The following PPP1R37 variants were observed in gnomAD, a reference collection of about 807,000 sequenced individuals.
The protein encoded by PPP1R37 is leucine rich repeat containing 68.
In PPP1R37, 21 loss-of-function variants were observed where a neutral mutation model predicts 61.0. The observed-to-expected ratio is 0.34, with a 90% CI of 0.24 to 0.50. The LOEUF (loss-of-function observed/expected upper bound fraction) is 0.50. Among genes scored for constraint, PPP1R37 ranks in the 20% least tolerant of loss-of-function variants. PPP1R37 has a pLI of 0.98. For missense variants in PPP1R37, 910 were observed against 952.7 expected, an observed-to-expected ratio of 0.96 and a Z score of 0.59; for synonymous variants, 443 against 433.5, an observed-to-expected ratio of 1.02 and a Z score of -0.27.
chr19:45,108,934 C>T (rs924116816), intron 1 of PPP1R37: 2 of 152,316 alleles, frequency 1.3e-5, no homozygotes, highest in African/African-American at 2.4e-5. Flanking sequence ...ACTACCGTGC[C>T]TGGTCTTTTT....
chr19:45,131,321 C>T (rs1968474307), intron 1 of PPP1R37, among the ~76,000 whole-genome samples: 2 of 152,202 alleles, frequency 1.3e-5, no homozygotes, highest in African/African-American at 2.4e-5. Flanking sequence ...CTCCCTGGAG[C>T]TCATGCCTTT....
chr19:45,104,494 ATTCATTCC>A (rs1413843991), intron 1 of PPP1R37, among the ~76,000 whole-genome samples: 3 of 152,012 alleles, frequency 2.0e-5, no homozygotes, highest in Non-Finnish European at 4.4e-5. Flanking sequence ...TTTTTCCTGC[ATTCATTCC>A]TTCATTCCTT....
At chr19:45,098,265 C>T in intron 1 of PPP1R37, among the ~76,000 whole-genome samples, 1 of 152,250 alleles carries the variant, frequency 6.6e-6, no homozygotes, top group East Asian at 1.9e-4. Flanking sequence ...GTGGCAGACC[C>T]TTCAGCTCTT....
intron 1 of PPP1R37, among the ~76,000 whole-genome samples, chr19:45,122,191 A>C (rs1200903517): frequency 6.6e-6 from 1 of 152,150 alleles, no homozygotes; most frequent in Non-Finnish European, 1.5e-5. Context: ...CGTAGAAGGC[A>C]TTTGCCCCAG....
intron 7 of PPP1R37, 66 bp downstream of exon 7, chr19:45,142,524 A>G (rs1205007943): frequency 2.0e-6 from 3 of 1,473,144 alleles, no homozygotes; most frequent in Non-Finnish European, 2.7e-6. Flanking sequence ...GCCCTGCGCT[A>G]GGTGGTGCTG....
chr19:45,145,946 G>A lies in PPP1R37; in HGVS notation c.1890G>A (p.Gly630=), dbSNP rs1325394464. ...PQPPPEPPRS[G]PPLPNGLKPE... Reference sequence around the variant, plus strand: ...CACCACCGGAGCCGCCTCGGTCAGGGCCACCACTGCCCAACGGCCTGAAGC... The same window carrying A: ...CACCACCGGAGCCGCCTCGGTCAGGACCACCACTGCCCAACGGCCTGAAGC... The change falls in exon 11 of 13, where the codon GGG becomes GGA. Residue 630 remains glycine (G), a synonymous_variant. Coordinates refer to ENST00000221462, the MANE Select transcript of PPP1R37 (RefSeq NM_019121.2). The A allele has an allele frequency of 6.5e-7, 1 of 1,534,774 alleles. No individual in the cohort carries two copies. Among genetic ancestry groups the A allele is most frequent in the Non-Finnish European group, 8.7e-7 (1 of 1,146,458 alleles).
chr19:45,102,784 C>G (rs894331227), intron 1 of PPP1R37, among the ~76,000 whole-genome samples: 2 of 152,182 alleles, frequency 1.3e-5, no homozygotes, highest in African/African-American at 4.8e-5. Context: ...AGAGCCAGGC[C>G]TGGGGCCCAC....
At chr19:45,120,185 T>C (rs1285956198) in intron 1 of PPP1R37, among the ~76,000 whole-genome samples, 1 of 151,772 alleles carries the variant, frequency 6.6e-6, no homozygotes, top group Admixed American at 6.6e-5. Context: ...GCCTGACTAA[T>C]GTTTTGTATT....
chr19:45,097,810 G>A (rs968375362), intron 1 of PPP1R37, among the ~76,000 whole-genome samples: 6 of 152,056 alleles, frequency 3.9e-5, no homozygotes, highest in East Asian at 3.9e-4. Context: ...CCTCTTCTCC[G>A]CTTTCCTCAA....
intron 11 of PPP1R37, 84 bp from the exon 12 acceptor site, chr19:45,146,306 G>A: frequency 7.6e-7 from 1 of 1,309,032 alleles, no homozygotes. Context: ...TGCAGGCCCT[G>A]AGGGTCTGGC....
chr19:45,144,547 TGGG>T, intron 8 of PPP1R37: 1 of 393,496 alleles, frequency 2.5e-6, no homozygotes, highest in Non-Finnish European at 4.5e-6. Context: ...TTGCCCTCCT[TGGG>T]GGCTTCAGGG....
At chr19:45,106,654 G>A (rs1049359146) in intron 1 of PPP1R37, among the ~76,000 whole-genome samples, 5 of 152,016 alleles carry the variant, frequency 3.3e-5, no homozygotes, top group African/African-American at 1.2e-4. Context: ...TCTTGCCTCA[G>A]CCTCCAGATT....
At chr19:45,114,284 C>G (rs1198720381) in intron 1 of PPP1R37, among the ~76,000 whole-genome samples, 3 of 152,228 alleles carry the variant, frequency 2.0e-5, no homozygotes, top group African/African-American at 7.2e-5. Flanking sequence ...TGCCTGTTCC[C>G]AGGGGTCCTG....
In PPP1R37 at chr19:45,140,503, C is replaced by T. The variant is rs758809737; in HGVS notation, c.347-3C>T. 3.3e-6 allele frequency: 5 copies of T among 1,532,284 alleles called. No individual in the cohort carries two copies. The highest frequency in any genetic ancestry group is 4.9e-5 in the East Asian group (2 of 40,906). 94.9% of individuals were successfully genotyped at this position (1,532,284 alleles called of 1,614,324 possible). ...CATGCGCACGGCTGCTGTCTCCCCCCAGGTGAGAAGCTTGACTACAAGACC... is the reference window on the plus strand; with the variant it reads ...CATGCGCACGGCTGCTGTCTCCCCCTAGGTGAGAAGCTTGACTACAAGACC... On this transcript the variant is annotated splice_region_variant and splice_polypyrimidine_tract_variant and intron_variant, in intron 3 of 12. Coordinates refer to ENST00000221462, the MANE Select transcript of PPP1R37 (RefSeq NM_019121.2).
intron 7 of PPP1R37, 32 bp downstream of exon 7, chr19:45,142,490 G>T: frequency 6.6e-7 from 1 of 1,510,640 alleles, no homozygotes; most frequent in Non-Finnish European, 8.9e-7. Flanking sequence ...ACCCACACCC[G>T]TCACCCAGCA....
In PPP1R37 at chr19:45,145,092, A is replaced by G; in HGVS notation, c.1130-2A>G. 2.0e-6 allele frequency: 3 copies of G among 1,530,914 alleles called. No homozygotes were observed. The highest frequency in any genetic ancestry group is 8.7e-7 in the Non-Finnish European group (1 of 1,144,892). The allele number at this position is 1,530,914 out of a possible 1,614,324, so 94.8% of individuals were successfully genotyped here. On this transcript the variant is annotated splice_acceptor_variant, in intron 9 of 12. Coordinates refer to ENST00000221462, the MANE Select transcript of PPP1R37 (RefSeq NM_019121.2). LOFTEE classifies it high-confidence loss of function. ...TGGCCAGCCCCTGCGGTGCCCCCCC[A>G]GGCGCGGTGGCGGTGGCGGAGTTCA...
chr19:45,111,504 G>A (rs993643992), intron 1 of PPP1R37, among the ~76,000 whole-genome samples: 4 of 152,124 alleles, frequency 2.6e-5, no homozygotes, highest in Non-Finnish European at 4.4e-5. Flanking sequence ...CTCGAATCCC[G>A]ACCTCAGGTG....
Position 45,145,951 on chromosome 19 carries a change from C to G in PPP1R37, c.1895C>G (p.Pro632Arg), listed in dbSNP as rs921645784. ...PPPEPPRSGP[P>R]LPNGLKPEFA... ...CCGGAGCCGCCTCGGTCAGGGCCAC[C>G]ACTGCCCAACGGCCTGAAGCCCGAG... Residue 632 changes from proline (P) to arginine (R), a missense_variant, in exon 11 of 13, where the codon CCA (proline) becomes CGA (arginine). Pro to Arg is a moderately radical substitution (Grantham distance 103). Coordinates refer to ENST00000221462, the MANE Select transcript of PPP1R37 (RefSeq NM_019121.2). The G allele has an allele frequency of 1.3e-5, 20 of 1,534,714 alleles. No homozygotes were observed. Among genetic ancestry groups the G allele is most frequent in the Non-Finnish European group, 1.7e-5 (20 of 1,146,446 alleles).
At chr19:45,093,599 C>T in intron 1 of PPP1R37, 72 bp downstream of exon 1, 2 of 1,222,664 alleles carry the variant, frequency 1.6e-6, no homozygotes, top group Non-Finnish European at 2.3e-6. Flanking sequence ...GTGCAGGGCC[C>T]GGCTCGAGGT....
Sources: allele counts gnomAD v4.1 joint callset (sites outside exome capture counted in the v4.1 genomes callset), GRCh38; gene constraint gnomAD v4.1.1; transcripts MANE v1.5; gene names NCBI Gene and HGNC (gene_info 2026-07-23, HGNC 2026-07-21).